ARF4: variants seen among roughly 807,000 people sequenced by gnomAD.
The protein encoded by ARF4 is ADP-ribosylation factor 4.
ARF4 carries 5 observed loss-of-function variants against 24.3 expected under a neutral mutation model. The observed-to-expected ratio is 0.21, with a 90% CI of 0.11 to 0.43. The LOEUF is 0.43. Among genes scored for constraint, ARF4 ranks in the 20% least tolerant of loss-of-function variants. The pLI, the probability that ARF4 is intolerant of heterozygous loss-of-function variation, is 1.00. For synonymous variants in ARF4, 62 were observed against 73.5 expected (o/e 0.84, Z 0.80); for missense variants, 107 against 213.0 (o/e 0.50, Z 3.10).
chr3:57,595,649 C>T (rs186457853), intron 1 of ARF4, among the ~76,000 whole-genome samples: 295 of 152,190 alleles, frequency 1.9e-3, no homozygotes, highest in African/African-American at 6.8e-3. Context: ...GGTAGTACAG[C>T]TCTAAAATAA....
At chr3:57,575,954 AC>A (rs141360879) in intron 4 of ARF4, among the ~76,000 whole-genome samples, 4,010 of 152,236 alleles carry the variant, frequency 0.026, 174 homozygotes, top group African/African-American at 0.091. Context: ...CTTCATGATT[AC>A]CCATTGTCAG....
intron 5 of ARF4, among the ~76,000 whole-genome samples, chr3:57,574,886 T>C (rs995187825): frequency 1.3e-5 from 2 of 148,224 alleles, no homozygotes; most frequent in Non-Finnish European, 3.0e-5. Flanking sequence ...TTCGCTCTTG[T>C]TGCCCAGGCT....
At chr3:57,596,872 T>C (rs2070194878) in intron 1 of ARF4, 2 of 582,816 alleles carry the variant, frequency 3.4e-6, no homozygotes, top group South Asian at 2.0e-5. Flanking sequence ...CCTGTCCCTG[T>C]CTCGTCTGGC....
chr3:57,592,325 A>G (rs1316582383), intron 1 of ARF4, among the ~76,000 whole-genome samples: 2 of 152,066 alleles, frequency 1.3e-5, no homozygotes, highest in African/African-American at 4.8e-5. Flanking sequence ...CCTCTCTACT[A>G]CAAATATGAA....
chr3:57,572,156 T>A lies in ARF4; in HGVS notation c.*56A>T, dbSNP rs979396103. On this transcript the variant is annotated 3_prime_UTR_variant, in exon 6 of 6. Transcript: ENST00000303436. ...ACCAAGATACAAACTAATTTTGTTG[T>A]AACAAGCCTAGACCAATTTTATCAA... 4.3e-6 allele frequency: 6 copies of A among 1,400,788 alleles called. No individual in the cohort carries two copies. Among genetic ancestry groups the A allele is most frequent in the Admixed American group, 3.4e-5 (2 of 59,446 alleles). The allele number at this position is 1,400,788 out of a possible 1,614,324, so 86.8% of individuals were successfully genotyped here. A position where few individuals can be genotyped will look rare whatever the true frequency, so the allele number is the denominator to read the frequency against.
rs1161084466 is a variant in ARF4 at position 57,584,464 on chromosome 3, A to G, written c.68T>C (p.Val23Ala). 1.2e-6 allele frequency: 2 copies of G among 1,611,900 alleles called. No homozygotes were observed. The highest frequency in any genetic ancestry group is 2.2e-5 in the East Asian group (1 of 44,844). ...TGTCTTGCCAGCAGCATCCAATCCAACTAGAAGAAGACATTATAGATTTAA... is the reference window on the plus strand; with the variant it reads ...TGTCTTGCCAGCAGCATCCAATCCAGCTAGAAGAAGACATTATAGATTTAA... ...FGKKQMRILM[V>A]GLDAAGKTTI... The change falls in exon 2 of 6, where the codon GTT (valine) becomes GCT (alanine). Residue 23 changes from valine to alanine, a missense_variant and splice_region_variant. Val to Ala is a moderately conservative substitution (Grantham distance 64). Transcript: ENST00000303436.
At chr3:57,592,492 A>AT (rs2070127505) in intron 1 of ARF4, among the ~76,000 whole-genome samples, 1 of 152,142 alleles carries the variant, frequency 6.6e-6, no homozygotes, top group Non-Finnish European at 1.5e-5. Flanking sequence ...CATCTCAAAT[A>AT]TTTTTTATCA....
At chr3:57,594,006 A>G (rs2070149139) in intron 1 of ARF4, among the ~76,000 whole-genome samples, 1 of 152,166 alleles carries the variant, frequency 6.6e-6, no homozygotes, top group Non-Finnish European at 1.5e-5. Context: ...TTGTAATCCT[A>G]GCACTTTGGG....
At chr3:57,591,300 A>G (rs1246195586) in intron 1 of ARF4, among the ~76,000 whole-genome samples, 2 of 152,182 alleles carry the variant, frequency 1.3e-5, no homozygotes, top group African/African-American at 4.8e-5. Flanking sequence ...CCTAATTTTT[A>G]TCATCTGATG....
Position 57,597,121 on chromosome 3 carries a change from G to A in ARF4, c.20C>T (p.Ser7Phe). MGLTIS[S>F]LFSRLFGKKQ... The stretch of plus-strand genomic sequence containing the variant: ...CTTGCCAAATAGTCGGGAGAAGAGG[G>A]AGGAGATAGTGAGGCCCATGGCGGT... The change falls in exon 1 of 6, where the codon TCC becomes TTC. Residue 7 changes from serine (S) to phenylalanine (F), a missense_variant. Transcript: ENST00000303436. 1 of 1,614,158 alleles carries A rather than the reference G, an allele frequency of 6.2e-7. No individual in the cohort carries two copies. The highest frequency in any genetic ancestry group is 1.3e-5 in the African/African-American group (1 of 75,068).
intron 3 of ARF4, among the ~76,000 whole-genome samples, chr3:57,578,890 AGGG>A (rs145241901): frequency 1.0e-4 from 15 of 150,292 alleles, no homozygotes; most frequent in African/African-American, 3.7e-4. Flanking sequence ...CAGCTAGAAA[AGGG>A]GGGGGGCAAA....
chr3:57,588,656 C>T (rs2070067510), intron 1 of ARF4, among the ~76,000 whole-genome samples: 2 of 142,552 alleles, frequency 1.4e-5, no homozygotes, highest in African/African-American at 5.3e-5. Flanking sequence ...GAGTCAGAGA[C>T]CAGCCTGACC....
intron 1 of ARF4, among the ~76,000 whole-genome samples, chr3:57,591,708 G>A (rs1297773455): frequency 6.6e-6 from 1 of 152,000 alleles, no homozygotes; most frequent in Non-Finnish European, 1.5e-5. Flanking sequence ...CTCGTGATCT[G>A]CCCGCCTCAG....
At chr3:57,583,778 G>T in intron 3 of ARF4, 120 bp downstream of exon 3, 1 of 720,800 alleles carries the variant, frequency 1.4e-6, no homozygotes. Flanking sequence ...TGGAAGTGGT[G>T]ATAAGACAAA....
chr3:57,584,881 G>T (rs1457880626), intron 1 of ARF4, among the ~76,000 whole-genome samples: 6 of 151,906 alleles, frequency 3.9e-5, no homozygotes, highest in Non-Finnish European at 5.9e-5. Context: ...AGGGGAGCGG[G>T]GGGACGTATT....
chr3:57,590,701 CA>C (rs2070102688), intron 1 of ARF4, among the ~76,000 whole-genome samples: 1 of 151,914 alleles, frequency 6.6e-6, no homozygotes, highest in Non-Finnish European at 1.5e-5. Context: ...TTTTTTGAGA[CA>C]GGGTCTCGAT....
chr3:57,585,908 C>T (rs1446889826), intron 1 of ARF4, among the ~76,000 whole-genome samples: 3 of 152,038 alleles, frequency 2.0e-5, no homozygotes, highest in Non-Finnish European at 2.9e-5. Flanking sequence ...GTGATCTGCC[C>T]GCCTCAGCCT....
chr3:57,572,133 C>T lies in ARF4; in HGVS notation c.*79G>A, dbSNP rs1291997386. On this transcript the variant is annotated 3_prime_UTR_variant, in exon 6 of 6. Transcript: ENST00000303436. ...CCAGTCCCAGATACTGTTTAATAAC[C>T]AAGATACAAACTAATTTTGTTGTAA... 3.3e-5 allele frequency: 37 copies of T among 1,137,396 alleles called. No individual in the cohort carries two copies. Among genetic ancestry groups the T allele is most frequent in the Non-Finnish European group, 4.8e-5 (36 of 751,528 alleles). The allele number at this position is 1,137,396 out of a possible 1,614,324, so 70.5% of individuals were successfully genotyped here. A position where few individuals can be genotyped will look rare whatever the true frequency, so the allele number is the denominator to read the frequency against.
rs566196397 is a variant in ARF4, at chr3:57,593,790, C to G, written c.67+3284G>C. ...AGTGGCTCGCCCTGTAACCCTAGCACTTTTCGAGGCCGAGGTGGGCGGGAT... is the reference window on the plus strand; with the variant it reads ...AGTGGCTCGCCCTGTAACCCTAGCAGTTTTCGAGGCCGAGGTGGGCGGGAT... On this transcript the variant is annotated intron_variant, in intron 1 of 5. Coordinates refer to ENST00000303436, the MANE Select transcript of ARF4 (RefSeq NM_001660.4). Among the ~76,000 whole-genome samples, 4 of 152,270 alleles carry G rather than the reference C, an allele frequency of 2.6e-5. No individual in the cohort carries two copies. In the East Asian group the frequency reaches 7.7e-4, roughly 29 times the overall value.
Sources: gnomAD v4.1 joint callset for allele counts (sites outside exome capture counted in the v4.1 genomes callset) on GRCh38, gnomAD v4.1.1 for gene constraint, MANE v1.5 for transcripts, NCBI Gene and HGNC (gene_info 2026-07-23, HGNC 2026-07-21) for gene names.